The following SLC39A10 variants were observed in gnomAD, a reference collection of about 807,000 sequenced individuals.
SLC39A10 encodes solute carrier family 39 member 10, also known as zinc transporter ZIP10.
SLC39A10 carries 13 observed loss-of-function variants against 65.1 expected under a neutral mutation model. That is an observed-to-expected ratio of 0.20 (90% CI 0.13 to 0.32). The LOEUF is 0.32. Ranked by LOEUF, SLC39A10 falls within the 10% of genes least tolerant of loss-of-function variation. SLC39A10 has a pLI of 1.00. For missense variants in SLC39A10, 831 were observed against 1,018.4 expected (o/e 0.82, Z 2.50); for synonymous variants, 321 against 342.2 (o/e 0.94, Z 0.68).
At chr2:195,661,422 A>T (rs1355613399) in intron 1 of SLC39A10, among the ~76,000 whole-genome samples, 1 of 152,220 alleles carries the variant, frequency 6.6e-6, no homozygotes, top group African/African-American at 2.4e-5. Context: ...TTATTTATAT[A>T]GAGACAAGGA....
intron 2 of SLC39A10, among the ~76,000 whole-genome samples, chr2:195,616,044 G>A (rs563194909): frequency 5.3e-5 from 8 of 152,078 alleles, no homozygotes; most frequent in Admixed American, 2.6e-4. Context: ...CAAACTCCAC[G>A]GCCTGGGTGC....
intron 1 of SLC39A10, among the ~76,000 whole-genome samples, chr2:195,668,295 G>A (rs1689714226): frequency 6.6e-6 from 1 of 152,214 alleles, no homozygotes; most frequent in Admixed American, 6.5e-5. Context: ...ATTTAAAGTA[G>A]TCCTGTAATG....
At chr2:195,704,940 G>A (rs1205574263) in intron 3 of SLC39A10, among the ~76,000 whole-genome samples, 1 of 152,106 alleles carries the variant, frequency 6.6e-6, no homozygotes, top group African/African-American at 2.4e-5. Flanking sequence ...TGGGGCTACA[G>A]GCATGTACCA....
rs1690260097 is a variant in SLC39A10, at chr2:195,680,509, A to G, written c.467A>G (p.Glu156Gly). Reference protein sequence around the residue: ...STKRNHKCDPEKETVEVSVKS... With the variant: ...STKRNHKCDPGKETVEVSVKS... The stretch of plus-strand genomic sequence containing the variant: ...AAAAGAAACCATAAATGTGATCCAG[A>G]GAAAGAGACAGTTGAAGTGTCTGTA... The change falls in exon 2 of 10, where the codon GAG (glutamate) becomes GGG (glycine). Residue 156 changes from glutamate to glycine, a missense_variant. This residue lies in a region of SLC39A10 where 446 missense variants were observed against 499.2 expected (regional missense o/e 0.89). Transcript: ENST00000359634. The G allele has an allele frequency of 6.2e-7, 1 of 1,614,098 alleles. No homozygotes were observed. Among genetic ancestry groups the G allele is most frequent in the African/African-American group, 1.3e-5 (1 of 74,930 alleles).
At chr2:195,726,626 A>G (rs2105842618) in intron 8 of SLC39A10, among the ~76,000 whole-genome samples, 1 of 152,298 alleles carries the variant, frequency 6.6e-6, no homozygotes, top group East Asian at 1.9e-4. Flanking sequence ...TTGGTAGATA[A>G]TCTCCTTAGG....
chr2:195,720,549 G>A (rs1691994729), intron 8 of SLC39A10, among the ~76,000 whole-genome samples: 2 of 152,184 alleles, frequency 1.3e-5, no homozygotes, highest in South Asian at 2.1e-4. Context: ...TTGACTGTGC[G>A]TAATTGTCTT....
At chr2:195,626,804 T>C (rs1364475984) in intron 2 of SLC39A10, among the ~76,000 whole-genome samples, 2 of 152,170 alleles carry the variant, frequency 1.3e-5, no homozygotes, top group African/African-American at 2.4e-5. Flanking sequence ...CAATGGGTAG[T>C]AATTTTCCCG....
intron 3 of SLC39A10, among the ~76,000 whole-genome samples, chr2:195,700,011 G>A (rs1292987139): frequency 6.6e-6 from 1 of 152,062 alleles, no homozygotes; most frequent in Non-Finnish European, 1.5e-5. Flanking sequence ...TGATTTAAAA[G>A]TCTAGTTTGA....
intron 8 of SLC39A10, among the ~76,000 whole-genome samples, chr2:195,719,199 C>CT (rs1006822569): frequency 2.0e-5 from 3 of 150,230 alleles, no homozygotes; most frequent in East Asian, 1.9e-4. Flanking sequence ...ATGAGCTGCA[C>CT]TTTTTTTTTC....
chr2:195,623,704 C>T (rs1310264232), intron 2 of SLC39A10, among the ~76,000 whole-genome samples: 1 of 152,096 alleles, frequency 6.6e-6, no homozygotes, highest in African/African-American at 2.4e-5. Context: ...TTAAATAGGG[C>T]AAAATGAATT....
chr2:195,638,045 A>C (rs879900073), intron 2 of SLC39A10, among the ~76,000 whole-genome samples: 4 of 152,342 alleles, frequency 2.6e-5, no homozygotes, highest in Admixed American at 1.3e-4. Context: ...TAAAGAAGAG[A>C]GCTCCCATAA....
In SLC39A10 at chr2:195,736,912, A is replaced by C. The variant is rs1254294519; in HGVS notation, c.*1871A>C. Reference sequence around the variant, plus strand: ...TCTATCTAGATTTCTGAACCAAGATATATTTATAGTTCACTTTTGGGTTTT... The same window carrying C: ...TCTATCTAGATTTCTGAACCAAGATCTATTTATAGTTCACTTTTGGGTTTT... On this transcript the variant is annotated 3_prime_UTR_variant, in exon 10 of 10. Coordinates refer to ENST00000359634, the MANE Select transcript of SLC39A10 (RefSeq NM_020342.3). 1 of 152,570 alleles carries C rather than the reference A, an allele frequency of 6.6e-6. No individual in the cohort carries two copies. Among genetic ancestry groups the C allele is most frequent in the Non-Finnish European group, 1.5e-5 (1 of 68,012 alleles). The allele number at this position is 152,570 out of a possible 1,614,324, so 9.5% of individuals were successfully genotyped here. A position where few individuals can be genotyped will look rare whatever the true frequency, so the allele number is the denominator to read the frequency against.
intron 2 of SLC39A10, among the ~76,000 whole-genome samples, chr2:195,621,668 T>C (rs903745052): frequency 7.2e-5 from 11 of 152,226 alleles, no homozygotes; most frequent in Non-Finnish European, 1.6e-4. Context: ...CCAGCACTGT[T>C]GGAACAGATC....
intron 2 of SLC39A10, among the ~76,000 whole-genome samples, chr2:195,648,179 G>A (rs1449254716): frequency 1.3e-5 from 2 of 151,962 alleles, no homozygotes; most frequent in African/African-American, 4.8e-5. Flanking sequence ...CAATTTTTTT[G>A]TACAGAAGAG....
At chr2:195,725,091 G>A (rs1056014484) in intron 8 of SLC39A10, among the ~76,000 whole-genome samples, 1 of 151,842 alleles carries the variant, frequency 6.6e-6, no homozygotes, top group Non-Finnish European at 1.5e-5. Context: ...AAAAAAAAAG[G>A]AAGAAAGAAA....
At chr2:195,622,561 G>C (rs1688371849) in intron 2 of SLC39A10, among the ~76,000 whole-genome samples, 1 of 152,218 alleles carries the variant, frequency 6.6e-6, no homozygotes, top group Non-Finnish European at 1.5e-5. Context: ...ACTGTTACTA[G>C]TCAGCCATGC....
At chr2:195,641,685 C>CTTTT (rs757617526) in intron 2 of SLC39A10, among the ~76,000 whole-genome samples, 1 of 128,114 alleles carries the variant, frequency 7.8e-6, no homozygotes, top group Non-Finnish European at 1.6e-5. Flanking sequence ...TAGTATAGTT[C>CTTTT]TTTTTTTTTT....
intron 2 of SLC39A10, among the ~76,000 whole-genome samples, chr2:195,619,114 A>AAGAGAG (rs1553490932): frequency 7.6e-6 from 1 of 131,974 alleles, no homozygotes; most frequent in African/African-American, 3.2e-5. Context: ...AAAAAAAAAA[A>AAGAGAG]AGAGAGAGAG....
At chr2:195,629,044 C>T (rs12471439) in intron 2 of SLC39A10, among the ~76,000 whole-genome samples, 31,619 of 152,066 alleles carry the variant, frequency 0.21, 3,936 homozygotes, top group East Asian at 0.6. Flanking sequence ...CAAATTTCTC[C>T]TTGTTGGTAA....
Sources: allele counts gnomAD v4.1 joint callset (sites outside exome capture counted in the v4.1 genomes callset), GRCh38; gene constraint gnomAD v4.1.1; regional missense constraint gnomAD v4.1.1; transcripts MANE v1.5; gene names NCBI Gene and HGNC (gene_info 2026-07-23, HGNC 2026-07-21).